The following SCAMP2 variants were observed in gnomAD, a reference collection of about 807,000 sequenced individuals.
SCAMP2 encodes secretory carrier membrane protein 2, also known as secretory carrier-associated membrane protein 2.
Under a neutral mutation model 44.1 loss-of-function variants are expected in SCAMP2, and 25 were observed. That is an observed-to-expected ratio of 0.57 (90% CI 0.41 to 0.79). The LOEUF (loss-of-function observed/expected upper bound fraction) is 0.79. Ranked by LOEUF, SCAMP2 falls within the 30% of genes least tolerant of loss-of-function variation. The pLI, the probability that SCAMP2 is intolerant of heterozygous loss-of-function variation, is 0.00. For synonymous variants in SCAMP2, 156 were observed against 166.0 expected, an observed-to-expected ratio of 0.94 and a Z score of 0.46; for missense variants, 355 against 411.0, an observed-to-expected ratio of 0.86 and a Z score of 1.18.
At chr15:74,867,092 A>G (rs11072511) in intron 1 of SCAMP2, among the ~76,000 whole-genome samples, 68,987 of 152,054 alleles carry the variant, frequency 0.45, 16,618 homozygotes, top group Non-Finnish European at 0.54. Flanking sequence ...ACTGCGCCCC[A>G]GCCTCAGTGA....
intron 1 of SCAMP2, among the ~76,000 whole-genome samples, chr15:74,857,813 G>A (rs1179063026): frequency 6.6e-6 from 1 of 152,194 alleles, no homozygotes; most frequent in Non-Finnish European, 1.5e-5. Context: ...GCTCCCTGCA[G>A]CCATGTGCAT....
At chr15:74,871,592 A>C (rs1457721079) in intron 1 of SCAMP2, among the ~76,000 whole-genome samples, 2 of 152,046 alleles carry the variant, frequency 1.3e-5, no homozygotes, top group Non-Finnish European at 2.9e-5. Context: ...GTCTCTACTA[A>C]AAATACAAAA....
chr15:74,864,992 CAGA>C (rs1020530400), intron 1 of SCAMP2, among the ~76,000 whole-genome samples: 1 of 139,274 alleles, frequency 7.2e-6, no homozygotes, highest in Non-Finnish European at 1.5e-5. Flanking sequence ...GAGGCTAAGG[CAGA>C]AGAATTGCTT....
chr15:74,861,662 GC>G (rs1359091897), intron 1 of SCAMP2, among the ~76,000 whole-genome samples: 3 of 152,122 alleles, frequency 2.0e-5, no homozygotes, highest in Admixed American at 6.5e-5. Context: ...ACTTTGGGAG[GC>G]CAAGGTGGGC....
Position 74,850,667 on chromosome 15 carries a change from G to T in SCAMP2, c.479C>A (p.Ser160Ter). ...AAGCAGGTTCAGAAACAGAGTCACTGAATGCACTGGGGAAGGGGACAGGAC... is the reference window on the plus strand; with the variant it reads ...AAGCAGGTTCAGAAACAGAGTCACTTAATGCACTGGGGAAGGGGACAGGAC... ...KMLYYLWMLH[S>*]VTLFLNLLAC... Residue 160 changes from serine (S) to a stop codon, truncating the protein, a stop_gained, in exon 6 of 9, where the codon TCA becomes TAA. Coordinates refer to ENST00000268099, the MANE Select transcript of SCAMP2 (RefSeq NM_005697.5). LOFTEE classifies it high-confidence loss of function. 1 of 1,613,978 alleles carries T rather than the reference G, an allele frequency of 6.2e-7. No individual in the cohort carries two copies. Among genetic ancestry groups the T allele is most frequent in the South Asian group, 1.1e-5 (1 of 91,052 alleles).
intron 1 of SCAMP2, among the ~76,000 whole-genome samples, chr15:74,862,720 G>A (rs1443436033): frequency 6.6e-6 from 1 of 151,370 alleles, no homozygotes; most frequent in Non-Finnish European, 1.5e-5. Flanking sequence ...TACTTGGGAG[G>A]CTGAGGCAGG....
intron 7 of SCAMP2, among the ~76,000 whole-genome samples, chr15:74,846,201 G>A (rs1325927748): frequency 1.3e-5 from 2 of 151,900 alleles, no homozygotes; most frequent in Admixed American, 1.3e-4. Context: ...AGAATCACTT[G>A]AACCTGGAAG....
chr15:74,873,108 C>G, intron 1 of SCAMP2, 91 bp downstream of exon 1: 1 of 1,167,486 alleles, frequency 8.6e-7, no homozygotes, highest in East Asian at 3.2e-5. Context: ...GTCCCTCCTA[C>G]GCCACGTCTC....
intron 1 of SCAMP2, among the ~76,000 whole-genome samples, chr15:74,866,706 C>T (rs2064546245): frequency 6.6e-6 from 1 of 152,150 alleles, no homozygotes; most frequent in Admixed American, 6.6e-5. Context: ...AGGTCTCTGC[C>T]CTTCCTCCTG....
At chr15:74,872,244 C>G (rs1479215330) in intron 1 of SCAMP2, among the ~76,000 whole-genome samples, 2 of 152,052 alleles carry the variant, frequency 1.3e-5, no homozygotes, top group Admixed American at 1.3e-4. Flanking sequence ...GAAACCCCGT[C>G]TCTACTAAAA....
At chr15:74,865,074 CAAAAAAA>C (rs36079981) in intron 1 of SCAMP2, among the ~76,000 whole-genome samples, 3 of 32,824 alleles carry the variant, frequency 9.1e-5, no homozygotes, top group Admixed American at 3.9e-4. Context: ...GACTCTATCT[CAAAAAAA>C]AAAAAAAAAA....
At chr15:74,868,888 G>A (rs1048574118) in intron 1 of SCAMP2, among the ~76,000 whole-genome samples, 4 of 152,212 alleles carry the variant, frequency 2.6e-5, no homozygotes, top group African/African-American at 9.6e-5. Context: ...GGGCACAGTG[G>A]CTCACGCCTG....
intron 1 of SCAMP2, among the ~76,000 whole-genome samples, chr15:74,854,973 G>A (rs1286211264): frequency 3.3e-5 from 5 of 149,526 alleles, no homozygotes; most frequent in African/African-American, 1.0e-4. Context: ...CTAGGGAGTG[G>A]GTTTTTTTTT....
chr15:74,853,902 G>C (rs2064451384), intron 3 of SCAMP2, 119 bp downstream of exon 3: 4 of 841,540 alleles, frequency 4.8e-6, no homozygotes, highest in Non-Finnish European at 7.7e-6. Flanking sequence ...ATTAGCAAGA[G>C]GGCCCTTAGG....
chr15:74,851,323 T>G, intron 5 of SCAMP2, 30 bp downstream of exon 5: 1 of 1,609,286 alleles, frequency 6.2e-7, no homozygotes, highest in Non-Finnish European at 8.5e-7. Flanking sequence ...CAATTCGCCC[T>G]TGCGCTTGGA....
At chr15:74,862,853 TACACACACACACACACAC>T (rs112611741) in intron 1 of SCAMP2, among the ~76,000 whole-genome samples, 989 of 87,508 alleles carry the variant, frequency 0.011, 22 homozygotes, top group African/African-American at 0.035. Flanking sequence ...AAACAAACCA[TACACACACACACACACAC>T]ACACACACAC....
At chr15:74,866,471 G>A (rs1414462621) in intron 1 of SCAMP2, among the ~76,000 whole-genome samples, 2 of 152,102 alleles carry the variant, frequency 1.3e-5, no homozygotes, top group African/African-American at 4.8e-5. Context: ...AGCATTCCGG[G>A]AGACCGAGGT....
chr15:74,853,128 G>A (rs1380321262), intron 3 of SCAMP2: 1 of 294,870 alleles, frequency 3.4e-6, no homozygotes, highest in African/African-American at 2.2e-5. Context: ...TCAGGCACTG[G>A]GGGCGGAAGC....
At chr15:74,861,191 T>C (rs974774637) in intron 1 of SCAMP2, among the ~76,000 whole-genome samples, 1 of 151,892 alleles carries the variant, frequency 6.6e-6, no homozygotes, top group Admixed American at 6.6e-5. Context: ...AATAAATAAA[T>C]AAATAAATTT....
Sources: allele counts gnomAD v4.1 joint callset (sites outside exome capture counted in the v4.1 genomes callset), GRCh38; gene constraint gnomAD v4.1.1; transcripts MANE v1.5; gene names NCBI Gene and HGNC (gene_info 2026-07-23, HGNC 2026-07-21).